Variants in ATRNL1 observed in about 807,000 individuals in gnomAD.
ATRNL1 encodes attractin-like protein 1.
ATRNL1 carries 95 observed loss-of-function variants against 182.7 expected under a neutral mutation model. That is an observed-to-expected ratio of 0.52 (90% confidence interval 0.44 to 0.62). ATRNL1 has a LOEUF of 0.62. Ranked by LOEUF, ATRNL1 falls within the 20% of genes least tolerant of loss-of-function variation. ATRNL1 has a pLI of 0.00. For synonymous variants in ATRNL1, 576 were observed against 568.3 expected, an observed-to-expected ratio of 1.01 and a Z score of -0.19; for missense variants, 1,471 against 1,679.5, an observed-to-expected ratio of 0.88 and a Z score of 2.17.
chr10:115,222,999 G>C (rs1265647004), intron 9 of ATRNL1, among the ~76,000 whole-genome samples: 1 of 152,194 alleles, frequency 6.6e-6, no homozygotes, highest in African/African-American at 2.4e-5. Flanking sequence ...CTGAAAGTTG[G>C]TCGGGCATGG....
At chr10:115,742,720 T>A (rs1948173283) in intron 27 of ATRNL1, among the ~76,000 whole-genome samples, 1 of 152,174 alleles carries the variant, frequency 6.6e-6, no homozygotes, top group African/African-American at 2.4e-5. Flanking sequence ...TGTTACATTA[T>A]CTTCCTTACT....
At position 115,093,418 on chromosome 10, in the gene ATRNL1, G is replaced by C. The variant is rs2484265; in HGVS notation, c.-333G>C. On this transcript the variant is annotated 5_prime_UTR_variant, in exon 1 of 29. Transcript: ENST00000355044. The surrounding 1 kb of genome is among the most constrained non-coding windows in gnomAD (Gnocchi z 6.1). ...GCCGCGCGCGGGGTCCCCTCCTCCTGCCGGTCAGGTCCCCTCAGGAGCGCC... is the reference window on the plus strand; with the variant it reads ...GCCGCGCGCGGGGTCCCCTCCTCCTCCCGGTCAGGTCCCCTCAGGAGCGCC... 99,748 of 294,084 alleles carry C rather than the reference G, an allele frequency of 0.34. 17,962 individuals carry two copies. Among genetic ancestry groups the C allele is most frequent in the African/African-American group, 0.46 (20,142 of 43,716 alleles). 18.2% of individuals were successfully genotyped at this position (294,084 alleles called of 1,614,324 possible).
intron 5 of ATRNL1, among the ~76,000 whole-genome samples, chr10:115,159,240 T>G (rs1214692675): frequency 2.6e-5 from 4 of 151,508 alleles, no homozygotes; most frequent in African/African-American, 9.7e-5. Flanking sequence ...ATTTGAGAAT[T>G]TTTTAGTTTC....
At chr10:115,350,334 C>CAAAAAAAAAAAAAAAAAAAAAAAAAA (rs1424122017) in intron 19 of ATRNL1, among the ~76,000 whole-genome samples, 1 of 29,742 alleles carries the variant, frequency 3.4e-5, no homozygotes, top group Non-Finnish European at 5.2e-5. Context: ...GACTCTGTCT[C>CAAAAAAAAAAAAAAAAAAAAAAAAAA]AAAAAAAAAA....
chr10:115,093,922 T>A lies in ATRNL1; in HGVS notation c.172T>A (p.Ser58Thr). The A allele has an allele frequency of 6.3e-7, 1 of 1,596,470 alleles. No individual in the cohort carries two copies. The highest frequency in any genetic ancestry group is 8.5e-7 in the Non-Finnish European group (1 of 1,173,098). Residue 58 changes from serine to threonine, a missense_variant, in exon 1 of 29, where the codon TCC (serine) becomes ACC (threonine). Ser to Thr is a moderately conservative substitution (Grantham distance 58, BLOSUM62 1). Transcript: ENST00000355044. The surrounding 1 kb of genome is among the most constrained non-coding windows in gnomAD (Gnocchi z 6.1). ...FLYLALYAQVSQSKPCERTGS... is the reference protein window; with the variant it reads ...FLYLALYAQVTQSKPCERTGS... ...CTACCTGGCGCTCTACGCGCAGGTGTCCCAGTCCAAGCCGTGCGAGAGGAC... is the reference window on the plus strand; with the variant it reads ...CTACCTGGCGCTCTACGCGCAGGTGACCCAGTCCAAGCCGTGCGAGAGGAC...
chr10:115,123,859 A>C (rs1844847225), intron 3 of ATRNL1, among the ~76,000 whole-genome samples: 1 of 151,868 alleles, frequency 6.6e-6, no homozygotes, highest in Non-Finnish European at 1.5e-5. Context: ...CCCTACTGTG[A>C]ACTGTGCATG....
intron 5 of ATRNL1, among the ~76,000 whole-genome samples, chr10:115,135,881 A>C (rs1554876520): frequency 6.6e-6 from 1 of 151,306 alleles, no homozygotes; most frequent in Non-Finnish European, 1.5e-5. Flanking sequence ...TTTCTTGGAG[A>C]TAGGATCTCA....
chr10:115,684,603 A>G (rs1484285499), intron 26 of ATRNL1, among the ~76,000 whole-genome samples: 2 of 151,654 alleles, frequency 1.3e-5, no homozygotes, highest in Non-Finnish European at 3.0e-5. Flanking sequence ...TAAAATAAAT[A>G]TGAGCTTTTG....
chr10:115,711,867 T>C (rs1455666529), intron 26 of ATRNL1, among the ~76,000 whole-genome samples: 1 of 152,120 alleles, frequency 6.6e-6, no homozygotes, highest in Non-Finnish European at 1.5e-5. Flanking sequence ...TCCAAAAACA[T>C]AGAAATGCCC....
intron 26 of ATRNL1, among the ~76,000 whole-genome samples, chr10:115,624,958 C>T (rs1166252044): frequency 6.6e-6 from 1 of 152,016 alleles, no homozygotes; most frequent in Non-Finnish European, 1.5e-5. Context: ...TGTTTTCAGG[C>T]AATATTAGTT....
intron 1 of ATRNL1, among the ~76,000 whole-genome samples, chr10:115,116,174 C>T (rs1844477395): frequency 6.6e-6 from 1 of 151,866 alleles, no homozygotes; most frequent in Non-Finnish European, 1.5e-5. Flanking sequence ...TAGTTGTGTT[C>T]CAATAAAAGT....
Position 115,945,034 on chromosome 10 carries a change from G to A in ATRNL1, c.*255G>A. ...ATTATAGCTAACATTAAATTACTCTGGAAAAAGATGTATATTGTTTCTTAA... is the reference window on the plus strand; with the variant it reads ...ATTATAGCTAACATTAAATTACTCTAGAAAAAGATGTATATTGTTTCTTAA... On this transcript the variant is annotated 3_prime_UTR_variant, in exon 29 of 29. Coordinates refer to ENST00000355044, the MANE Select transcript of ATRNL1 (RefSeq NM_207303.4). The A allele has an allele frequency of 3.7e-6, 1 of 273,424 alleles. No homozygotes were observed. The highest frequency in any genetic ancestry group is 6.8e-6 in the Non-Finnish European group (1 of 148,082). 16.9% of individuals were successfully genotyped at this position (273,424 alleles called of 1,614,324 possible).
intron 19 of ATRNL1, among the ~76,000 whole-genome samples, chr10:115,355,189 G>T (rs183892776): frequency 6.6e-6 from 1 of 152,254 alleles, no homozygotes; most frequent in Admixed American, 6.5e-5. Flanking sequence ...GAATGCTCTT[G>T]ATGCTTGTGG....
chr10:115,553,288 A>G (rs1853107994), intron 26 of ATRNL1, among the ~76,000 whole-genome samples: 1 of 151,358 alleles, frequency 6.6e-6, no homozygotes. Context: ...GTAGAATAAT[A>G]GATCCATAGG....
chr10:115,549,677 AT>A, intron 26 of ATRNL1, 141 bp downstream of exon 26: 1 of 505,772 alleles, frequency 2.0e-6, no homozygotes, highest in Non-Finnish European at 3.2e-6. Flanking sequence ...TCACTCTAGT[AT>A]TTTTTAAGCT....
At chr10:115,104,266 T>C (rs944435550) in intron 1 of ATRNL1, among the ~76,000 whole-genome samples, 1 of 152,202 alleles carries the variant, frequency 6.6e-6, no homozygotes, top group Non-Finnish European at 1.5e-5. Flanking sequence ...CACATTGTAG[T>C]TTTGATTTTC....
intron 8 of ATRNL1, among the ~76,000 whole-genome samples, chr10:115,177,915 T>G (rs1285375217): frequency 2.6e-5 from 3 of 117,460 alleles, no homozygotes; most frequent in African/African-American, 9.8e-5. Context: ...TTTTTTTGTT[T>G]TTTTTTTTGT....
At chr10:115,874,654 T>TA (rs1240525887) in intron 28 of ATRNL1, among the ~76,000 whole-genome samples, 3 of 152,194 alleles carry the variant, frequency 2.0e-5, no homozygotes, top group Admixed American at 1.3e-4. Flanking sequence ...AAAGAGCACT[T>TA]ACTAAAAGTT....
intron 27 of ATRNL1, among the ~76,000 whole-genome samples, chr10:115,750,491 C>A (rs1555070393): frequency 6.6e-6 from 1 of 151,628 alleles, no homozygotes. Context: ...AATTTAAATT[C>A]AAAAACTATT....
Sources: gnomAD v4.1 joint callset for allele counts (sites outside exome capture counted in the v4.1 genomes callset) on GRCh38, gnomAD v4.1.1 for gene constraint, Gnocchi (gnomAD v3.1) non-coding constraint, MANE v1.5 for transcripts, NCBI Gene and HGNC (gene_info 2026-07-23, HGNC 2026-07-21) for gene names.